Variants in KIAA2012 observed in about 807,000 individuals in gnomAD.
KIAA2012 encodes the protein uncharacterized protein KIAA2012.
A neutral mutation model predicts 150.6 loss-of-function variants in KIAA2012; 125 were observed. That is an observed-to-expected ratio of 0.83 (90% CI 0.72 to 0.96). The LOEUF (loss-of-function observed/expected upper bound fraction) is 0.96. Ranked by LOEUF, KIAA2012 falls within the 40% of genes least tolerant of loss-of-function variation. The probability of loss-of-function intolerance (pLI) is 0.00; values close to 1 mark genes in which losing one functional copy is unlikely to be tolerated. For synonymous variants in KIAA2012, 462 were observed against 504.7 expected (o/e 0.92, Z 1.13); for missense variants, 1,219 against 1,354.9 (o/e 0.90, Z 1.57).
At chr2:202,183,479 T>A (rs1433733448) in intron 15 of KIAA2012, among the ~76,000 whole-genome samples, 1 of 131,392 alleles carries the variant, frequency 7.6e-6, no homozygotes, top group Non-Finnish European at 1.5e-5. Context: ...TTTTTAAATT[T>A]TTTTTTTTTT....
At chr2:202,143,305 C>G (rs557164908) in intron 13 of KIAA2012, among the ~76,000 whole-genome samples, 79 of 151,950 alleles carry the variant, frequency 5.2e-4, no homozygotes, top group African/African-American at 1.6e-3. Flanking sequence ...AGCCTGGTCT[C>G]GAACTCCTGA....
At chr2:202,201,466 C>A in intron 22 of KIAA2012, 1 of 1,595,468 alleles carries the variant, frequency 6.3e-7, no homozygotes, top group Non-Finnish European at 8.6e-7. Context: ...GCCTGCATGA[C>A]TGCAAGCTGA....
chr2:202,141,186 A>G (rs4673227), intron 13 of KIAA2012, among the ~76,000 whole-genome samples: 100,782 of 151,714 alleles, frequency 0.66, 33,889 homozygotes, highest in African/African-American at 0.76. Context: ...GAGGCTGTCC[A>G]AGCTGCAGTG....
At chr2:202,157,286 G>A (rs927043097) in intron 14 of KIAA2012, among the ~76,000 whole-genome samples, 1 of 152,202 alleles carries the variant, frequency 6.6e-6, no homozygotes, top group Non-Finnish European at 1.5e-5. Context: ...TCTCAGGGTA[G>A]TACAGACAAA....
chr2:202,204,257 A>T (rs1049752640), intron 23 of KIAA2012, among the ~76,000 whole-genome samples: 16 of 151,764 alleles, frequency 1.1e-4, no homozygotes, highest in African/African-American at 3.9e-4. Context: ...GTATATTTTT[A>T]GTACAGATGG....
intron 2 of KIAA2012, among the ~76,000 whole-genome samples, chr2:202,078,107 A>G (rs73053503): frequency 0.012 from 1,824 of 152,342 alleles, 45 homozygotes; most frequent in African/African-American, 0.041. Flanking sequence ...ATGTATGTTC[A>G]AAGATCTATG....
chr2:202,153,835 C>T (rs1208770083), intron 13 of KIAA2012, among the ~76,000 whole-genome samples: 1 of 152,160 alleles, frequency 6.6e-6, no homozygotes, highest in Non-Finnish European at 1.5e-5. Flanking sequence ...CTAAATGAAG[C>T]AGGAGAGATC....
intron 15 of KIAA2012, chr2:202,178,860 TAGA>T (rs1442519967): frequency 1.9e-5 from 4 of 212,528 alleles, no homozygotes; most frequent in African/African-American, 9.5e-5. Context: ...TGAGTAGAAG[TAGA>T]AGAAAACCAA....
chr2:202,079,198 A>G (rs1478794921), intron 2 of KIAA2012, among the ~76,000 whole-genome samples: 1 of 152,216 alleles, frequency 6.6e-6, no homozygotes, highest in African/African-American at 2.4e-5. Context: ...GACCCTGGAA[A>G]TCAAGGTGAG....
intron 14 of KIAA2012, among the ~76,000 whole-genome samples, chr2:202,161,125 G>T (rs934940304): frequency 6.6e-6 from 1 of 152,140 alleles, no homozygotes; most frequent in Non-Finnish European, 1.5e-5. Flanking sequence ...AGGCTCAGGG[G>T]TTAAGTAACT....
At chr2:202,201,758 T>C in intron 22 of KIAA2012, 4 of 1,351,216 alleles carry the variant, frequency 3.0e-6, no homozygotes, top group Non-Finnish European at 4.3e-6. Context: ...GATAGAGCTC[T>C]GAGTAGGCAG....
chr2:202,136,336 G>C (rs562439192), intron 12 of KIAA2012: 1 of 154,764 alleles, frequency 6.5e-6, no homozygotes, highest in African/African-American at 2.4e-5. Context: ...TGGCGCATCC[G>C]GAGTTGTTCA....
At chr2:202,173,571 AAAAAT>A (rs1482865966) in intron 15 of KIAA2012, among the ~76,000 whole-genome samples, 2 of 152,196 alleles carry the variant, frequency 1.3e-5, no homozygotes, top group African/African-American at 4.8e-5. Flanking sequence ...CTCCATCTCA[AAAAAT>A]AAAATAAAAA....
intron 3 of KIAA2012, among the ~76,000 whole-genome samples, chr2:202,092,209 A>G (rs923675524): frequency 6.6e-6 from 1 of 152,156 alleles, no homozygotes; most frequent in African/African-American, 2.4e-5. Context: ...CCTTGCCATA[A>G]TTCCTTGCCA....
chr2:202,109,172 A>C (rs1690278593), intron 9 of KIAA2012, among the ~76,000 whole-genome samples: 1 of 152,212 alleles, frequency 6.6e-6, no homozygotes. Flanking sequence ...TAATCTCATC[A>C]GCTCTAAAGC....
intron 15 of KIAA2012, among the ~76,000 whole-genome samples, chr2:202,170,047 C>G (rs1050705627): frequency 6.6e-6 from 1 of 152,192 alleles, no homozygotes; most frequent in Non-Finnish European, 1.5e-5. Context: ...GCTCATCCCC[C>G]ACCCCCACTT....
intron 8 of KIAA2012, among the ~76,000 whole-genome samples, chr2:202,103,641 T>TA (rs1690108604): frequency 6.6e-6 from 1 of 152,210 alleles, no homozygotes; most frequent in Non-Finnish European, 1.5e-5. Flanking sequence ...AAAAGAAAGA[T>TA]AAAAGTTTAT....
chr2:202,118,778 T>A (rs1312927865), intron 11 of KIAA2012, among the ~76,000 whole-genome samples: 2 of 152,176 alleles, frequency 1.3e-5, no homozygotes, highest in Non-Finnish European at 2.9e-5. Context: ...GCAGTGTTCT[T>A]TCCCTCACTG....
intron 13 of KIAA2012, among the ~76,000 whole-genome samples, chr2:202,140,341 T>C (rs906609419): frequency 6.6e-6 from 1 of 152,156 alleles, no homozygotes; most frequent in Non-Finnish European, 1.5e-5. Flanking sequence ...CTCATGCTGG[T>C]TCCCCCCGTG....
Sources: gnomAD v4.1 joint callset for allele counts (sites outside exome capture counted in the v4.1 genomes callset) on GRCh38, gnomAD v4.1.1 for gene constraint, MANE v1.5 for transcripts, NCBI Gene and HGNC (gene_info 2026-07-23, HGNC 2026-07-21) for gene names.